The following ETFBKMT variants were observed in gnomAD, a reference collection of about 807,000 sequenced individuals.
ETFBKMT encodes electron transfer flavoprotein subunit beta lysine methyltransferase.
Under a neutral mutation model 18.3 loss-of-function variants are expected in ETFBKMT, and 13 were observed. The observed-to-expected ratio is 0.71, with a 90% CI of 0.46 to 1.13. The LOEUF (loss-of-function observed/expected upper bound fraction) is 1.13. Among genes scored for constraint, ETFBKMT ranks in the 50% most tolerant of loss-of-function variants. ETFBKMT has a pLI of 0.00. For missense variants in ETFBKMT, 293 were observed against 306.2 expected (o/e 0.96, Z 0.32); for synonymous variants, 84 against 107.9 (o/e 0.78, Z 1.37).
Position 31,667,762 on chromosome 12 carries a change from C to G in ETFBKMT, c.561C>G (p.Gly187=). Residue 187 remains glycine, a synonymous_variant, in exon 4 of 4, where the codon GGC becomes GGG. Transcript: ENST00000357721. ...EQDKWDLVVL[G]DMFYDEDLAD... ...ATAAGTGGGACCTTGTTGTTCTTGG[C>G]GATATGTTTTATGATGAAGACCTTG... 6.2e-7 allele frequency: 1 copy of G among 1,613,770 alleles called. No individual in the cohort carries two copies. Among genetic ancestry groups the G allele is most frequent in the Non-Finnish European group, 8.5e-7 (1 of 1,179,950 alleles).
upstream of ETFBKMT, among the ~76,000 whole-genome samples, chr12:31,654,211 G>A (rs903071398): frequency 8.6e-5 from 13 of 152,034 alleles, no homozygotes; most frequent in African/African-American, 2.2e-4. Flanking sequence ...CACCATGTCC[G>A]ACTAATTTTT....
intron 3 of ETFBKMT, 84 bp from the exon 4 acceptor site, chr12:31,667,560 TAGC>T: frequency 1.0e-6 from 1 of 998,802 alleles, no homozygotes; most frequent in South Asian, 1.7e-5. Flanking sequence ...AATATATTGT[TAGC>T]AGATCTTCTA....
intron 1 of ETFBKMT, among the ~76,000 whole-genome samples, chr12:31,647,919 G>T (rs1950981893): frequency 6.6e-6 from 1 of 152,144 alleles, no homozygotes; most frequent in African/African-American, 2.4e-5. Flanking sequence ...TTGCTGGTGA[G>T]AATGTAAAAT....
chr12:31,656,349 G>T (rs1002312794), upstream of ETFBKMT, among the ~76,000 whole-genome samples: 3 of 152,078 alleles, frequency 2.0e-5, no homozygotes, highest in African/African-American at 7.3e-5. Context: ...AGGGATGAGA[G>T]AACAAGGCGC....
Position 31,667,790 on chromosome 12 carries a change from G to A in ETFBKMT, c.589G>A (p.Asp197Asn). The change falls in exon 4 of 4, where the codon GAT becomes AAT. Residue 197 changes from aspartate to asparagine, a missense_variant. Physicochemically the swap from Asp to Asn is conservative, Grantham distance 23. Transcript: ENST00000357721. ...TATGTTTTATGATGAAGACCTTGCAGATAGTCTTCATCAGTGGCTGAAGAA... is the reference window on the plus strand; with the variant it reads ...TATGTTTTATGATGAAGACCTTGCAAATAGTCTTCATCAGTGGCTGAAGAA... ...GDMFYDEDLADSLHQWLKKCF... is the reference protein window; with the variant it reads ...GDMFYDEDLANSLHQWLKKCF... 1 of 1,614,196 alleles carries A rather than the reference G, an allele frequency of 6.2e-7. No individual in the cohort carries two copies. The highest frequency in any genetic ancestry group is 1.3e-5 in the African/African-American group (1 of 75,060).
intron 1 of ETFBKMT, among the ~76,000 whole-genome samples, chr12:31,651,708 C>G (rs1248355312): frequency 6.6e-6 from 1 of 152,162 alleles, no homozygotes; most frequent in Non-Finnish European, 1.5e-5. Context: ...TGGACCTATA[C>G]AGATAAACTT....
At position 31,672,285 on chromosome 12, in the gene ETFBKMT, G is replaced by GATCATCTTC. The variant is rs765102110; in HGVS notation, c.*4297_*4305dup. ...AGTTTTGATAAGCTTTCCTAGCATTGATCATCTTCAAAAAAGCATCAATAA... is the reference window on the plus strand; with the variant it reads ...AGTTTTGATAAGCTTTCCTAGCATTGATCATCTTCATCATCTTCAAAAAAGCATCAATAA... On this transcript the variant is annotated 3_prime_UTR_variant, in exon 4 of 4. Coordinates refer to ENST00000357721, the MANE Select transcript of ETFBKMT (RefSeq NM_001135863.2). 1 of 1,547,718 alleles carries GATCATCTTC rather than the reference G, an allele frequency of 6.5e-7. No homozygotes were observed. Among genetic ancestry groups the GATCATCTTC allele is most frequent in the Non-Finnish European group, 8.8e-7 (1 of 1,138,738 alleles).
chr12:31,659,189 C>A (rs534923638), upstream of ETFBKMT: 4 of 152,352 alleles, frequency 2.6e-5, no homozygotes, highest in Admixed American at 2.6e-4. Flanking sequence ...AGGGCGGGGC[C>A]GCGAGGGGCC....
chr12:31,656,434 G>A (rs1299614753), upstream of ETFBKMT, among the ~76,000 whole-genome samples: 1 of 152,112 alleles, frequency 6.6e-6, no homozygotes, highest in Non-Finnish European at 1.5e-5. Context: ...AGGTTAAGTC[G>A]GGACTGATCA....
chr12:31,665,646 G>A (rs1419779550), intron 2 of ETFBKMT, among the ~76,000 whole-genome samples: 1 of 152,160 alleles, frequency 6.6e-6, no homozygotes, highest in Non-Finnish European at 1.5e-5. Flanking sequence ...CTTCAGACCT[G>A]AGAGCCCCGA....
At chr12:31,661,545 G>A (rs1352173174) in intron 1 of ETFBKMT, among the ~76,000 whole-genome samples, 3 of 151,628 alleles carry the variant, frequency 2.0e-5, no homozygotes, top group African/African-American at 7.3e-5. Context: ...GTGCGATCTC[G>A]GCACACTGCA....
intron 2 of ETFBKMT, among the ~76,000 whole-genome samples, chr12:31,665,834 C>T (rs1951186909): frequency 6.6e-6 from 1 of 152,244 alleles, no homozygotes; most frequent in Non-Finnish European, 1.5e-5. Context: ...ATCGCCCATG[C>T]TATTGTTTGT....
chr12:31,652,620 A>G (rs1951027376), intron 1 of ETFBKMT, among the ~76,000 whole-genome samples: 1 of 152,192 alleles, frequency 6.6e-6, no homozygotes, highest in South Asian at 2.1e-4. Context: ...TCTTAGACTT[A>G]GCTTTAGACG....
chr12:31,667,747 C>T lies in ETFBKMT; in HGVS notation c.546C>T (p.Asp182=), dbSNP rs200960305. 1.9e-5 allele frequency: 30 copies of T among 1,613,688 alleles called. No individual in the cohort carries two copies. The African/African-American group carries it at 3.2e-4, about 17-fold the overall frequency. Residue 182 remains aspartate, a synonymous_variant, in exon 4 of 4, where the codon GAC becomes GAT. Transcript: ENST00000357721. ...TGAATTTGGAACAAGATAAGTGGGA[C>T]CTTGTTGTTCTTGGCGATATGTTTT... ...NILNLEQDKW[D]LVVLGDMFYD... is the part of the protein sequence containing the mutation.
chr12:31,665,782 T>C (rs981975871), intron 2 of ETFBKMT, among the ~76,000 whole-genome samples: 1 of 152,216 alleles, frequency 6.6e-6, no homozygotes, highest in African/African-American at 2.4e-5. Flanking sequence ...AGGGATGGGT[T>C]GGGTTAGTTA....
intron 1 of ETFBKMT, among the ~76,000 whole-genome samples, chr12:31,648,598 G>C (rs1212349220): frequency 3.3e-5 from 4 of 120,812 alleles, no homozygotes; most frequent in African/African-American, 1.3e-4. Context: ...GAGTCTCGCT[G>C]TCTCCCAGGC....
chr12:31,650,626 CCTT>C (rs1293518913), intron 1 of ETFBKMT, among the ~76,000 whole-genome samples: 1 of 140,640 alleles, frequency 7.1e-6, no homozygotes, highest in African/African-American at 2.7e-5. Context: ...AATGACCTGA[CCTT>C]TTTTTTTTTT....
chr12:31,653,799 T>C (rs1437299869), intron 1 of ETFBKMT, among the ~76,000 whole-genome samples: 2 of 151,856 alleles, frequency 1.3e-5, no homozygotes, highest in Non-Finnish European at 2.9e-5. Context: ...ATACAAAAAA[T>C]TAGCTGGGTG....
chr12:31,661,267 C>T (rs1391909823), intron 1 of ETFBKMT, among the ~76,000 whole-genome samples: 2 of 152,150 alleles, frequency 1.3e-5, no homozygotes, highest in Admixed American at 1.3e-4. Context: ...GACTGTATGG[C>T]TGATTTCCTG....
Sources: gnomAD v4.1 joint callset for allele counts (sites outside exome capture counted in the v4.1 genomes callset) on GRCh38, gnomAD v4.1.1 for gene constraint, MANE v1.5 for transcripts, NCBI Gene and HGNC (gene_info 2026-07-23, HGNC 2026-07-21) for gene names.